The following ELAVL2 variants were observed in gnomAD, a reference collection of about 807,000 sequenced individuals.
The protein encoded by ELAVL2 is ELAV like RNA binding protein 2.
Under a neutral mutation model 34.6 loss-of-function variants are expected in ELAVL2, and 4 were observed. The ratio of observed to expected loss-of-function variants is 0.12; its 90% CI spans 0.06 to 0.26. ELAVL2 has a LOEUF of 0.26. Among genes scored for constraint, ELAVL2 ranks in the 10% least tolerant of loss-of-function variants. ELAVL2 has a pLI of 1.00. For missense variants in ELAVL2, 432 were observed against 442.8 expected (o/e 0.98, Z 0.22); for synonymous variants, 193 against 154.8 (o/e 1.25, Z -1.83).
At chr9:23,827,676 G>A (rs1279206654), upstream of ELAVL2, among the ~76,000 whole-genome samples, 1 of 152,150 alleles carries the variant, frequency 6.6e-6, no homozygotes, top group African/African-American at 2.4e-5. Context: ...ACACAGGTAA[G>A]AGTTAGAGAT....
At chr9:23,781,796 C>G (rs1345604626) in intron 1 of ELAVL2, among the ~76,000 whole-genome samples, 2 of 152,200 alleles carry the variant, frequency 1.3e-5, no homozygotes, top group East Asian at 3.9e-4. Context: ...CGGGTTCACA[C>G]CATTCTCCTG....
intron 3 of ELAVL2, among the ~76,000 whole-genome samples, chr9:23,724,381 T>C (rs2044542641): frequency 6.6e-6 from 1 of 152,168 alleles, no homozygotes; most frequent in Admixed American, 6.5e-5. Flanking sequence ...AGAATTCCAA[T>C]TAACTCTCAC....
intron 1 of ELAVL2, among the ~76,000 whole-genome samples, chr9:23,786,013 G>A (rs2059631510): frequency 6.6e-6 from 1 of 152,142 alleles, no homozygotes; most frequent in Non-Finnish European, 1.5e-5. Flanking sequence ...CTTCACTGAT[G>A]CTACATTCTA....
chr9:23,692,943 T>G, intron 6 of ELAVL2, 59 bp from the exon 7 acceptor site: 1 of 1,511,510 alleles, frequency 6.6e-7, no homozygotes, highest in East Asian at 2.3e-5. Flanking sequence ...AGAGGTTGGT[T>G]ATAGCAATGA....
Position 23,705,002 on chromosome 9 carries a change from T to C in ELAVL2, c.403A>G (p.Thr135Ala), listed in dbSNP as rs368330671. 1.9e-6 allele frequency: 3 copies of C among 1,614,098 alleles called. No homozygotes were observed. The highest frequency in any genetic ancestry group is 2.2e-5 in the East Asian group (1 of 44,872). ...TGTTCCAACTCCTTCTGGGTCATTGTTTTTGGAAGTCCGCTGACATATAAA... is the reference window on the plus strand; with the variant it reads ...TGTTCCAACTCCTTCTGGGTCATTGCTTTTGGAAGTCCGCTGACATATAAA... Reference protein sequence around the residue: ...ANLYVSGLPKTMTQKELEQLF... With the variant: ...ANLYVSGLPKAMTQKELEQLF... Residue 135 changes from threonine to alanine, a missense_variant, in exon 4 of 7, where the codon ACA (threonine) becomes GCA (alanine). By Grantham distance (58) the Thr-to-Ala change is moderately conservative. Transcript: ENST00000397312.
At chr9:23,831,166 T>C (rs1004689350), upstream of ELAVL2, among the ~76,000 whole-genome samples, 1 of 152,342 alleles carries the variant, frequency 6.6e-6, no homozygotes, top group East Asian at 1.9e-4. Flanking sequence ...TCGGAGGCTC[T>C]TTCTTATATT....
chr9:23,800,122 A>C (rs2061407531), intron 1 of ELAVL2, among the ~76,000 whole-genome samples: 1 of 152,224 alleles, frequency 6.6e-6, no homozygotes, highest in African/African-American at 2.4e-5. Context: ...CCCAATTCAA[A>C]AATGAGAAAA....
Position 23,692,532 on chromosome 9 carries a change from T to C in ELAVL2, c.*25A>G, listed in dbSNP as rs376153003. On this transcript the variant is annotated 3_prime_UTR_variant, in exon 7 of 7. Transcript: ENST00000397312. ...GCCTTTGTTGTATAGTTTTCATATA[T>C]AAATGGACTGAGGACAAGAGCTCAT... The C allele has an allele frequency of 1.4e-5, 22 of 1,594,280 alleles. No individual in the cohort carries two copies. The highest frequency in any genetic ancestry group is 1.7e-4 in the Middle Eastern group (1 of 5,962).
chr9:23,793,220 C>T (rs75687493), intron 1 of ELAVL2, among the ~76,000 whole-genome samples: 5,791 of 152,266 alleles, frequency 0.038, 181 homozygotes, highest in Middle Eastern at 0.15. Context: ...AAACCTTCTA[C>T]CCTCAACTGC....
chr9:23,775,545 T>C (rs1423613065), intron 1 of ELAVL2, among the ~76,000 whole-genome samples: 1 of 152,098 alleles, frequency 6.6e-6, no homozygotes, highest in Non-Finnish European at 1.5e-5. Flanking sequence ...CTTGCCCCTT[T>C]CTCCAATCCT....
At chr9:23,770,223 T>C (rs2057063811) in intron 1 of ELAVL2, among the ~76,000 whole-genome samples, 1 of 152,002 alleles carries the variant, frequency 6.6e-6, no homozygotes, top group African/African-American at 2.4e-5. Flanking sequence ...GTGGAATACA[T>C]ATAGAGAAGA....
chr9:23,740,711 C>T (rs1229324325), intron 2 of ELAVL2, among the ~76,000 whole-genome samples: 2 of 151,936 alleles, frequency 1.3e-5, no homozygotes. Flanking sequence ...CACTTAAGCC[C>T]CCAAAACAAA....
At chr9:23,705,668 C>T (rs533346701) in intron 3 of ELAVL2, among the ~76,000 whole-genome samples, 2 of 152,320 alleles carry the variant, frequency 1.3e-5, no homozygotes, top group South Asian at 2.1e-4. Context: ...ACTGCACAAT[C>T]TAGATTCCTT....
At chr9:23,698,042 T>C (rs909545782) in intron 5 of ELAVL2, among the ~76,000 whole-genome samples, 1 of 152,198 alleles carries the variant, frequency 6.6e-6, no homozygotes, top group Non-Finnish European at 1.5e-5. Context: ...GAAATTGTGA[T>C]AATGCAACCA....
intron 5 of ELAVL2, among the ~76,000 whole-genome samples, chr9:23,696,593 C>T (rs554396641): frequency 9.9e-5 from 15 of 152,254 alleles, no homozygotes; most frequent in South Asian, 2.1e-4. Context: ...CCCAGCCTCT[C>T]GAGTAGCTGG....
intron 1 of ELAVL2, among the ~76,000 whole-genome samples, chr9:23,764,737 T>TA (rs2055846411): frequency 6.6e-6 from 1 of 152,122 alleles, no homozygotes; most frequent in Admixed American, 6.6e-5. Flanking sequence ...TTTGTTTTTT[T>TA]AAAAAAGCTT....
intron 1 of ELAVL2, among the ~76,000 whole-genome samples, chr9:23,768,875 C>T (rs910912591): frequency 2.4e-4 from 37 of 152,212 alleles, no homozygotes; most frequent in African/African-American, 8.2e-4. Flanking sequence ...ATGATTAAGT[C>T]GTGGATCACC....
intron 3 of ELAVL2, among the ~76,000 whole-genome samples, chr9:23,713,223 T>C (rs997007765): frequency 1.3e-5 from 2 of 152,192 alleles, no homozygotes; most frequent in Non-Finnish European, 2.9e-5. Flanking sequence ...ATGGGATACA[T>C]GGTAAAGATA....
At chr9:23,772,492 G>A (rs1180266428) in intron 1 of ELAVL2, among the ~76,000 whole-genome samples, 2 of 97,672 alleles carry the variant, frequency 2.0e-5, no homozygotes, top group African/African-American at 4.1e-5. Flanking sequence ...CTTAGAGATA[G>A]AAAACCAAAT....
Sources: allele counts gnomAD v4.1 joint callset (sites outside exome capture counted in the v4.1 genomes callset), GRCh38; gene constraint gnomAD v4.1.1; transcripts MANE v1.5; gene names NCBI Gene and HGNC (gene_info 2026-07-23, HGNC 2026-07-21).